The following C4orf54 variants were observed in gnomAD, a reference collection of about 807,000 sequenced individuals.
C4orf54 encodes uncharacterized protein C4orf54.
Under a neutral mutation model 80.1 loss-of-function variants are expected in C4orf54, and 67 were observed. The ratio of observed to expected loss-of-function variants is 0.84; its 90% CI spans 0.69 to 1.03. C4orf54 has a LOEUF of 1.03. Among genes scored for constraint, C4orf54 ranks in the 50% least tolerant of loss-of-function variants. The pLI, the probability that C4orf54 is intolerant of heterozygous loss-of-function variation, is 0.00. For synonymous variants in C4orf54, 1,000 were observed against 917.0 expected (o/e 1.09, Z -1.64); for missense variants, 2,434 against 2,253.5 (o/e 1.08, Z -1.62).
intron 1 of C4orf54, 57 bp from the exon 2 acceptor site, chr4:99,654,736 GTAGTCAT>G: frequency 1.6e-6 from 1 of 615,900 alleles, no homozygotes; most frequent in Non-Finnish European, 2.9e-6. Flanking sequence ...TGTCCATTCC[GTAGTCAT>G]ATCGAAACCA....
chr4:99,654,303 G>A lies in C4orf54; in HGVS notation c.346C>T (p.Pro116Ser), dbSNP rs951960260. 4 of 1,528,156 alleles carry A rather than the reference G, an allele frequency of 2.6e-6. No homozygotes were observed. Among genetic ancestry groups the A allele is most frequent in the Admixed American group, 3.9e-5 (2 of 51,000 alleles). The allele number at this position is 1,528,156 out of a possible 1,614,324, so 94.7% of individuals were successfully genotyped here. The change falls in exon 2 of 3, where the codon CCC becomes TCC. Residue 116 changes from proline to serine, a missense_variant. Physicochemically the swap from Pro to Ser is moderately conservative, Grantham distance 74 (BLOSUM62 -1). Coordinates refer to ENST00000511828, the MANE Select transcript of C4orf54 (RefSeq NM_001354435.2). The stretch of plus-strand genomic sequence containing the variant: ...TGGGTCCGTCTCTGGCCCCGGAGGG[G>A]CTGCAGAGTTGCCCGAAGCAGGGTC... ...RGTLLRATLQPLRGQRRTQDF... is the reference protein window; with the variant it reads ...RGTLLRATLQSLRGQRRTQDF...
At position 99,637,908 on chromosome 4, in the gene C4orf54, G is replaced by C. The variant is rs900782026; in HGVS notation, c.*3325C>G. On this transcript the variant is annotated 3_prime_UTR_variant, in exon 3 of 3. Transcript: ENST00000511828. ...ATGCACATATACATACTTATCATGA[G>C]ATTATAGTCAATCTACTTAGGAATC... The C allele has an allele frequency of 6.6e-6, 1 of 152,104 alleles. No individual in the cohort carries two copies. Among genetic ancestry groups the C allele is most frequent in the Non-Finnish European group, 1.5e-5 (1 of 68,000 alleles). The allele number at this position is 152,104 out of a possible 1,614,324, so 9.4% of individuals were successfully genotyped here. A position where few individuals can be genotyped will look rare whatever the true frequency, so the allele number is the denominator to read the frequency against.
chr4:99,649,582 G>C lies in C4orf54; in HGVS notation c.5067C>G (p.Thr1689=). 1.3e-6 allele frequency: 2 copies of C among 1,536,144 alleles called. No homozygotes were observed. The highest frequency in any genetic ancestry group is 1.7e-6 in the Non-Finnish European group (2 of 1,146,918). ...CAATTGGTGTGGGCTGCAGAGCATT[G>C]GTGGGCAGCACGGTAGGCAGAAACC... The part of the protein sequence containing the change: ...YPGFLPTVLP[T]NALQPTPIAR... Residue 1689 remains threonine, a synonymous_variant, in exon 2 of 3, where the codon ACC becomes ACG. Transcript: ENST00000511828.
chr4:99,653,580 T>G lies in C4orf54; in HGVS notation c.1069A>C (p.Arg357=). ...RDIIAKSQGS[R]DPPKVEEAHY... ...GCCTCTTCGACTTTGGGGGGGTCCC[T>G]GCTGCCCTGGGACTTGGCAATAATG... The change falls in exon 2 of 3, where the codon AGG becomes CGG. Residue 357 remains arginine (R), a synonymous_variant. Coordinates refer to ENST00000511828, the MANE Select transcript of C4orf54 (RefSeq NM_001354435.2). 1 of 1,536,076 alleles carries G rather than the reference T, an allele frequency of 6.5e-7. No homozygotes were observed. Among genetic ancestry groups the G allele is most frequent in the Non-Finnish European group, 8.7e-7 (1 of 1,146,866 alleles).
In C4orf54 at chr4:99,652,197, A is replaced by T. The variant is rs762449760; in HGVS notation, c.2452T>A (p.Ser818Thr). 12 of 1,535,650 alleles carry T rather than the reference A, an allele frequency of 7.8e-6. No homozygotes were observed. The South Asian group carries it at 1.4e-4, about 18-fold the overall frequency. Residue 818 changes from serine to threonine, a missense_variant, in exon 2 of 3, where the codon TCC becomes ACC. Physicochemically the swap from Ser to Thr is moderately conservative, Grantham distance 58. Transcript: ENST00000511828. ...TCGTGTTCCCGCTGCATCTTCTTGG[A>T]AATGACATTTTTGAGCAGACTGGAG... ...FASSLLKNVISKKMQREHEFK... is the reference protein window; with the variant it reads ...FASSLLKNVITKKMQREHEFK...
intron 2 of C4orf54, among the ~76,000 whole-genome samples, chr4:99,646,742 C>T (rs1417609476): frequency 6.6e-6 from 1 of 152,192 alleles, no homozygotes; most frequent in Admixed American, 6.5e-5. Context: ...CCTACCCTAC[C>T]TCAAAACAAA....
At position 99,640,790 on chromosome 4, in the gene C4orf54, G is replaced by A. The variant is rs1464731849; in HGVS notation, c.*443C>T. On this transcript the variant is annotated 3_prime_UTR_variant, in exon 3 of 3. Transcript: ENST00000511828. The stretch of plus-strand genomic sequence containing the variant: ...CTTGATATATTCCAAGAAACTATAA[G>A]GAGATTCGTGATCCAAATTACTCAT... 2.0e-5 allele frequency: 3 copies of A among 152,200 alleles called. No homozygotes were observed. The highest frequency in any genetic ancestry group is 4.4e-5 in the Non-Finnish European group (3 of 67,970). The allele number at this position is 152,200 out of a possible 1,614,324, so 9.4% of individuals were successfully genotyped here.
chr4:99,646,885 A>T (rs1166128727), intron 2 of C4orf54, among the ~76,000 whole-genome samples: 1 of 152,082 alleles, frequency 6.6e-6, no homozygotes, highest in Admixed American at 6.6e-5. Context: ...TTACACACTT[A>T]AAAAAAATCC....
Position 99,651,100 on chromosome 4 carries a change from C to G in C4orf54, c.3549G>C (p.Leu1183Phe), listed in dbSNP as rs1246245608. Residue 1183 changes from leucine (L) to phenylalanine (F), a missense_variant, in exon 2 of 3, where the codon TTG becomes TTC. By Grantham distance (22) the Leu-to-Phe change is conservative. Transcript: ENST00000511828. ...CTGTCCCTTCTGGGGAGGAAGAATT[C>G]AAGACTCTGCTGCCGCCCCCTTTGC... ...SMGKGGGSRV[L>F]NSSSPEGTVL... The G allele has an allele frequency of 6.5e-7, 1 of 1,536,140 alleles. No homozygotes were observed. Among genetic ancestry groups the G allele is most frequent in the Non-Finnish European group, 8.7e-7 (1 of 1,146,908 alleles).
rs61130907 is a variant in C4orf54, at chr4:99,643,792, A to ACACACACACACACACACC, written c.*37-2597_*37-2596insGGTGTGTGTGTGTGTGTG. Among the ~76,000 whole-genome samples the ACACACACACACACACACC allele has an allele frequency of 1.4e-3, 143 of 98,856 alleles. 3 individuals are homozygous for ACACACACACACACACACC. Among genetic ancestry groups the ACACACACACACACACACC allele is most frequent in the Admixed American group, 3.8e-3 (33 of 8,622 alleles). 64.9% of individuals were successfully genotyped at this position (98,856 alleles called of 152,430 possible). On this transcript the variant is annotated intron_variant, in intron 2 of 2. Coordinates refer to ENST00000511828, the MANE Select transcript of C4orf54 (RefSeq NM_001354435.2). ...CACACACACACACACACACACACAC[A>ACACACACACACACACACC]CCCCCTCCGCGGCAGTAAAACGGCC...
rs1459025793 is a variant in C4orf54, at chr4:99,639,709, T to C, written c.*1524A>G. 6.6e-6 allele frequency: 1 copy of C among 152,102 alleles called. No individual in the cohort carries two copies. Among genetic ancestry groups the C allele is most frequent in the East Asian group, 1.9e-4 (1 of 5,182 alleles). 9.4% of individuals were successfully genotyped at this position (152,102 alleles called of 1,614,324 possible). ...AAGGCCCTGAAAGTGAAATTAAGTC[T>C]TTTTTAAGAGTCTGAGATGGGAAGC... On this transcript the variant is annotated 3_prime_UTR_variant, in exon 3 of 3. Coordinates refer to ENST00000511828, the MANE Select transcript of C4orf54 (RefSeq NM_001354435.2).
chr4:99,649,586 G>C lies in C4orf54; in HGVS notation c.5063C>G (p.Pro1688Arg), dbSNP rs1050256230. ...IYPGFLPTVL[P>R]TNALQPTPIA... ...TGGTGTGGGCTGCAGAGCATTGGTG[G>C]GCAGCACGGTAGGCAGAAACCCAGG... The change falls in exon 2 of 3, where the codon CCC (proline) becomes CGC (arginine). Residue 1688 changes from proline (P) to arginine (R), a missense_variant. Coordinates refer to ENST00000511828, the MANE Select transcript of C4orf54 (RefSeq NM_001354435.2). 1.3e-6 allele frequency: 2 copies of C among 1,536,010 alleles called. No individual in the cohort carries two copies. Among genetic ancestry groups the C allele is most frequent in the Middle Eastern group, 1.7e-4 (1 of 6,012 alleles).
chr4:99,648,554 A>AGTGTGTGTGTGTGTGTGTGTGT (rs60651888), intron 2 of C4orf54, among the ~76,000 whole-genome samples: 1,549 of 145,786 alleles, frequency 0.011, 23 homozygotes, highest in African/African-American at 0.017. Flanking sequence ...TAGAGAACAA[A>AGTGTGTGTGTGTGTGTGTGTGT]GTGTGTGTGT....
In C4orf54 at chr4:99,649,330, T is replaced by C; in HGVS notation, c.5319A>G (p.Pro1773=). 6.5e-7 allele frequency: 1 copy of C among 1,535,996 alleles called. No individual in the cohort carries two copies. The part of the protein sequence containing the change: ...VISITSQPLG[P]RIIAPPSFDG... Reference sequence around the variant, plus strand: ...CAAAGGAAGGGGGAGCAATGATCCGTGGCCCCAGGGGCTGCGAAGTAATGC... The same window carrying C: ...CAAAGGAAGGGGGAGCAATGATCCGCGGCCCCAGGGGCTGCGAAGTAATGC... The change falls in exon 2 of 3, where the codon CCA becomes CCG. Residue 1773 remains proline (P), a synonymous_variant. Transcript: ENST00000511828.
intron 2 of C4orf54, among the ~76,000 whole-genome samples, chr4:99,643,794 C>CACCCCCCCG (rs1560634918): frequency 1.5e-5 from 1 of 65,182 alleles, no homozygotes; most frequent in Admixed American, 2.0e-4. Flanking sequence ...ACACACACAC[C>CACCCCCCCG]CCCTCCGCGG....
rs1474549754 is a variant in C4orf54 at position 99,653,400 on chromosome 4, C to T, written c.1249G>A (p.Gly417Arg). ...ASFGGSDETPGDITSLTEEDD... is the reference protein window; with the variant it reads ...ASFGGSDETPRDITSLTEEDD... Reference sequence around the variant, plus strand: ...TCTTCGGTCAGACTGGTGATGTCCCCTGGGGTCTCGTCGCTGCCACCAAAG... The same window carrying T: ...TCTTCGGTCAGACTGGTGATGTCCCTTGGGGTCTCGTCGCTGCCACCAAAG... Residue 417 changes from glycine to arginine, a missense_variant, in exon 2 of 3, where the codon GGG becomes AGG. By Grantham distance (125) the Gly-to-Arg change is moderately radical. Coordinates refer to ENST00000511828, the MANE Select transcript of C4orf54 (RefSeq NM_001354435.2). 3 of 1,536,254 alleles carry T rather than the reference C, an allele frequency of 2.0e-6. No individual in the cohort carries two copies. The highest frequency in any genetic ancestry group is 1.2e-5 in the South Asian group (1 of 84,054).
Position 99,654,445 on chromosome 4 carries a change from C to T in C4orf54, c.204G>A (p.Arg68=), listed in dbSNP as rs1216237463. Residue 68 remains arginine (R), a synonymous_variant, in exon 2 of 3, where the codon AGG becomes AGA. Transcript: ENST00000511828. ...CAAGCCTGAGGGAGGTGGGAAGGCT[C>T]CTGGATGAGGCGGTGGAGGTGGTCT... ...QPQTTSTASS[R]SLPTSLRLAA... 2.8e-6 allele frequency: 2 copies of T among 726,678 alleles called. No individual in the cohort carries two copies. The highest frequency in any genetic ancestry group is 3.5e-5 in the African/African-American group (2 of 57,638). The allele number at this position is 726,678 out of a possible 1,614,324, so 45.0% of individuals were successfully genotyped here. A position where few individuals can be genotyped will look rare whatever the true frequency, so the allele number is the denominator to read the frequency against.
chr4:99,650,655 G>A lies in C4orf54; in HGVS notation c.3994C>T (p.Leu1332=). The A allele has an allele frequency of 2.0e-6, 3 of 1,536,080 alleles. No homozygotes were observed. The highest frequency in any genetic ancestry group is 2.4e-5 in the South Asian group (2 of 84,056). The part of the protein sequence containing the change: ...RGTGNKAGVV[L]RGAPIERLQR... The stretch of plus-strand genomic sequence containing the variant: ...AGACGTTCTATGGGGGCCCCTCGCA[G>A]GACCACACCAGCTTTGTTTCCTGTG... Residue 1332 remains leucine (L), a synonymous_variant, in exon 2 of 3, where the codon CTG becomes TTG. Coordinates refer to ENST00000511828, the MANE Select transcript of C4orf54 (RefSeq NM_001354435.2).
chr4:99,650,062 TCGG>T lies in C4orf54; in HGVS notation c.4584_4586del (p.Ser1528del). On this transcript the variant is annotated inframe_deletion, in exon 2 of 3. Transcript: ENST00000511828. ...TGTCAGGTTTGGTACGCCAAGCTGG[TCGG>T]CTGGTTCCACTAACCTGAGAGCCTT... The T allele has an allele frequency of 6.5e-7, 1 of 1,535,778 alleles. No homozygotes were observed. Among genetic ancestry groups the T allele is most frequent in the Non-Finnish European group, 8.7e-7 (1 of 1,146,814 alleles).
Sources: gnomAD v4.1 joint callset for allele counts (sites outside exome capture counted in the v4.1 genomes callset) on GRCh38, gnomAD v4.1.1 for gene constraint, MANE v1.5 for transcripts, NCBI Gene and HGNC (gene_info 2026-07-23, HGNC 2026-07-21) for gene names.